Variants in RBFOX1 observed in about 807,000 individuals in gnomAD.
RBFOX1 encodes the protein RNA binding fox-1 homolog 1.
Under a neutral mutation model 57.7 loss-of-function variants are expected in RBFOX1, and 8 were observed. The ratio of observed to expected loss-of-function variants is 0.14; its 90% CI spans 0.08 to 0.25. RBFOX1 has a LOEUF of 0.25. RBFOX1 is among the 10% of genes least tolerant of loss of function. The pLI is 1.00. For synonymous variants in RBFOX1, 326 were observed against 222.4 expected, an observed-to-expected ratio of 1.47 and a Z score of -4.15; for missense variants, 611 against 548.5, an observed-to-expected ratio of 1.11 and a Z score of -1.14.
intron 3 of RBFOX1, among the ~76,000 whole-genome samples, chr16:6,780,670 G>GT (rs1378801335): frequency 1.4e-5 from 2 of 147,664 alleles, no homozygotes; most frequent in East Asian, 3.9e-4. Flanking sequence ...TATATTGCCT[G>GT]TTTTTTCAGA....
chr16:6,116,473 G>C (rs2096496796), intron 1 of RBFOX1, among the ~76,000 whole-genome samples: 1 of 152,130 alleles, frequency 6.6e-6, no homozygotes, highest in Non-Finnish European at 1.5e-5. Flanking sequence ...AAGGCTGTAG[G>C]AAGATACTAC....
chr16:7,224,213 T>A (rs1458117618), intron 4 of RBFOX1, among the ~76,000 whole-genome samples: 1 of 148,466 alleles, frequency 6.7e-6, no homozygotes, highest in Non-Finnish European at 1.5e-5. Flanking sequence ...TGGGAAGAGT[T>A]CCATGATGCT....
At chr16:5,852,888 G>T (rs1167856859) in intron 3 of RBFOX1, among the ~76,000 whole-genome samples, 1 of 152,074 alleles carries the variant, frequency 6.6e-6, no homozygotes, top group Admixed American at 6.6e-5. Flanking sequence ...CCTGCCAGCA[G>T]ACTCTTACCC....
intron 1 of RBFOX1, among the ~76,000 whole-genome samples, chr16:5,298,286 A>C (rs1478996622): frequency 6.6e-6 from 1 of 152,180 alleles, no homozygotes. Context: ...TGGTTTGTAA[A>C]TTCTATAGTG....
At chr16:5,405,162 G>A (rs1193726162) in intron 1 of RBFOX1, among the ~76,000 whole-genome samples, 2 of 152,194 alleles carry the variant, frequency 1.3e-5, no homozygotes, top group Admixed American at 1.3e-4. Context: ...TCACTGCTGT[G>A]TGGTGTGCCC....
rs551371300 is a variant in RBFOX1 at position 7,429,380 on chromosome 16, ACCGT to A, written c.28-88764_28-88761del. On this transcript the variant is annotated intron_variant, in intron 4 of 15. Coordinates refer to ENST00000550418, the MANE Select transcript of RBFOX1 (RefSeq NM_018723.4). ...TTCATCAGCTGTTGATTTTGGTGTC[ACCGT>A]CCTCTGAGAAGCCTTCCCTGGCTAG... 1.6e-3 allele frequency among the ~76,000 whole-genome samples: 244 copies of A among 152,254 alleles called. 1 individual carries two copies. The Middle Eastern group carries it at 0.031, about 19-fold the overall frequency.
Position 7,278,722 on chromosome 16 carries a change from A to G in RBFOX1, c.27+226624A>G, listed in dbSNP as rs548153439. Reference sequence around the variant, plus strand: ...AGTGAAAACATATTACAAATTGCCAACTCATGATGTATTCAGTTTGAACTT... The same window carrying G: ...AGTGAAAACATATTACAAATTGCCAGCTCATGATGTATTCAGTTTGAACTT... On this transcript the variant is annotated intron_variant, in intron 4 of 15. Transcript: ENST00000550418. Among the ~76,000 whole-genome samples the G allele has an allele frequency of 5.3e-5, 8 of 152,328 alleles. No homozygotes were observed. In the East Asian group the frequency reaches 1.2e-3, roughly 22 times the overall value.
At chr16:6,297,304 C>G (rs1374705730) in intron 1 of RBFOX1, among the ~76,000 whole-genome samples, 1 of 152,122 alleles carries the variant, frequency 6.6e-6, no homozygotes, top group East Asian at 1.9e-4. Context: ...AGGTCTCAGC[C>G]TCATTTTACC....
chr16:5,314,550 G>C (rs763830425), intron 1 of RBFOX1, among the ~76,000 whole-genome samples: 7 of 152,104 alleles, frequency 4.6e-5, no homozygotes, highest in Non-Finnish European at 8.8e-5. Context: ...GCCCAGGCTG[G>C]CGTGCAGTGG....
At chr16:6,754,936 T>C (rs1466272221) in intron 3 of RBFOX1, among the ~76,000 whole-genome samples, 1 of 151,866 alleles carries the variant, frequency 6.6e-6, no homozygotes, top group Non-Finnish European at 1.5e-5. Context: ...TTCCCACCTA[T>C]GACTGAGAAT....
chr16:5,848,416 G>T (rs1040275902), intron 3 of RBFOX1, among the ~76,000 whole-genome samples: 1 of 152,056 alleles, frequency 6.6e-6, no homozygotes, highest in African/African-American at 2.4e-5. Flanking sequence ...CACAACATCT[G>T]GAATCAGAAA....
intron 1 of RBFOX1, among the ~76,000 whole-genome samples, chr16:6,122,259 C>G (rs563444020): frequency 1.8e-4 from 27 of 152,020 alleles, no homozygotes; most frequent in Admixed American, 9.8e-4. Context: ...TCCTGATTGT[C>G]TCATCTGCTA....
chr16:5,676,894 C>G (rs1393552224), intron 3 of RBFOX1, among the ~76,000 whole-genome samples: 1 of 152,074 alleles, frequency 6.6e-6, no homozygotes, highest in African/African-American at 2.4e-5. Context: ...AGTGCCTGGG[C>G]ACATAGTACT....
chr16:7,064,043 G>A (rs1163642039), intron 4 of RBFOX1, among the ~76,000 whole-genome samples: 1 of 152,088 alleles, frequency 6.6e-6, no homozygotes, highest in Non-Finnish European at 1.5e-5. Context: ...GTCATACATG[G>A]AAGTTCTAGC....
chr16:7,321,870 A>G (rs1735219644), intron 4 of RBFOX1, among the ~76,000 whole-genome samples: 1 of 152,208 alleles, frequency 6.6e-6, no homozygotes, highest in African/African-American at 2.4e-5. Context: ...TGTTGCCACC[A>G]GCTGCCTGGC....
chr16:7,025,926 G>T (rs995298202), intron 3 of RBFOX1, among the ~76,000 whole-genome samples: 4 of 152,060 alleles, frequency 2.6e-5, no homozygotes, highest in African/African-American at 9.7e-5. Flanking sequence ...CCCCTCTCGG[G>T]AGCTCCCACC....
intron 7 of RBFOX1, among the ~76,000 whole-genome samples, chr16:7,590,380 C>T (rs1247464740): frequency 6.6e-6 from 1 of 151,876 alleles, no homozygotes; most frequent in East Asian, 1.9e-4. Flanking sequence ...GGGTGAATAG[C>T]AAGAATGCAG....
chr16:6,024,886 C>T (rs1406693474), intron 1 of RBFOX1, among the ~76,000 whole-genome samples: 2 of 152,228 alleles, frequency 1.3e-5, no homozygotes, highest in Non-Finnish European at 2.9e-5. Context: ...TCAATACATG[C>T]AGATACCTTG....
chr16:6,807,826 C>T (rs1195707581), intron 3 of RBFOX1, among the ~76,000 whole-genome samples: 4 of 151,068 alleles, frequency 2.6e-5, no homozygotes, highest in East Asian at 3.9e-4. Context: ...AAAAAAGATG[C>T]TTATTATATA....
Sources: gnomAD v4.1 joint callset for allele counts (sites outside exome capture counted in the v4.1 genomes callset) on GRCh38, gnomAD v4.1.1 for gene constraint, MANE v1.5 for transcripts, NCBI Gene and HGNC (gene_info 2026-07-23, HGNC 2026-07-21) for gene names.